PHACTR1: variants seen among roughly 807,000 people sequenced by gnomAD.
PHACTR1 encodes RPEL repeat containing 1.
Under a neutral mutation model 69.2 loss-of-function variants are expected in PHACTR1, and 16 were observed. The ratio of observed to expected loss-of-function variants is 0.23; its 90% CI spans 0.16 to 0.35. PHACTR1 has a LOEUF of 0.35. Among genes scored for constraint, PHACTR1 ranks in the 10% least tolerant of loss-of-function variants. The pLI is 1.00. For synonymous variants in PHACTR1, 312 were observed against 284.5 expected (o/e 1.10, Z -0.97); for missense variants, 510 against 734.7 (o/e 0.69, Z 3.54).
intron 4 of PHACTR1, among the ~76,000 whole-genome samples, chr6:12,910,371 G>C (rs111431739): frequency 4.1e-4 from 62 of 152,278 alleles, no homozygotes; most frequent in African/African-American, 1.4e-3. Context: ...AGGTGTCCAA[G>C]CATAATCGTA....
chr6:12,928,309 G>T (rs1283260402), intron 4 of PHACTR1, among the ~76,000 whole-genome samples: 1 of 152,154 alleles, frequency 6.6e-6, no homozygotes, highest in African/African-American at 2.4e-5. Context: ...AGCCACGGTT[G>T]GTCCTTATGG....
intron 5 of PHACTR1, among the ~76,000 whole-genome samples, chr6:13,106,134 A>C (rs958837183): frequency 6.6e-6 from 1 of 152,214 alleles, no homozygotes. Flanking sequence ...TATGGGCCTG[A>C]TAATTTAAAA....
At chr6:12,797,008 A>AGTGTGTGTGTGT (rs10577949) in intron 4 of PHACTR1, among the ~76,000 whole-genome samples, 8 of 138,256 alleles carry the variant, frequency 5.8e-5, no homozygotes, top group Non-Finnish European at 1.2e-4. Context: ...GAAGCCTAGG[A>AGTGTGTGTGTGT]GTGTGTGTGT....
chr6:13,099,108 T>A (rs892934045), intron 5 of PHACTR1, among the ~76,000 whole-genome samples: 1 of 152,246 alleles, frequency 6.6e-6, no homozygotes, highest in Non-Finnish European at 1.5e-5. Flanking sequence ...CTCTGTGGCC[T>A]CTGCATGTGA....
chr6:12,921,036 C>T (rs1787594772), intron 4 of PHACTR1, among the ~76,000 whole-genome samples: 1 of 152,198 alleles, frequency 6.6e-6, no homozygotes, highest in Non-Finnish European at 1.5e-5. Context: ...GTCCCCAGTT[C>T]AGAGCTAGGA....
At chr6:13,138,544 A>G (rs1821911033) in intron 5 of PHACTR1, among the ~76,000 whole-genome samples, 1 of 152,216 alleles carries the variant, frequency 6.6e-6, no homozygotes, top group African/African-American at 2.4e-5. Flanking sequence ...TGTTTGTTCA[A>G]GTCCCTTAGT....
chr6:12,753,951 TATATA>T (rs1766933925), intron 4 of PHACTR1, among the ~76,000 whole-genome samples: 1 of 99,796 alleles, frequency 1.0e-5, no homozygotes, highest in Admixed American at 1.1e-4. Context: ...TAAATATATA[TATATA>T]TATATATATA....
chr6:13,213,580 A>G (rs1408510961), intron 8 of PHACTR1, among the ~76,000 whole-genome samples: 1 of 152,168 alleles, frequency 6.6e-6, no homozygotes, highest in Non-Finnish European at 1.5e-5. Flanking sequence ...CAGGAGTTGA[A>G]ACTTAATGGC....
intron 10 of PHACTR1, among the ~76,000 whole-genome samples, chr6:13,234,242 G>T (rs532085764): frequency 6.6e-6 from 1 of 152,342 alleles, no homozygotes; most frequent in East Asian, 1.9e-4. Flanking sequence ...TTCTGGCTCT[G>T]ATTCTTTCAT....
At chr6:12,925,213 A>G (rs1039997623) in intron 4 of PHACTR1, among the ~76,000 whole-genome samples, 1 of 152,118 alleles carries the variant, frequency 6.6e-6, no homozygotes, top group Non-Finnish European at 1.5e-5. Context: ...CAACTTTATC[A>G]CCTTTCTGTT....
intron 4 of PHACTR1, among the ~76,000 whole-genome samples, chr6:12,812,223 G>C (rs909941132): frequency 6.6e-6 from 1 of 152,098 alleles, no homozygotes; most frequent in African/African-American, 2.4e-5. Flanking sequence ...ACTTATTCTG[G>C]ACATTTTATA....
At chr6:12,884,471 G>A (rs1247315778) in intron 4 of PHACTR1, among the ~76,000 whole-genome samples, 2 of 151,704 alleles carry the variant, frequency 1.3e-5, no homozygotes, top group Non-Finnish European at 2.9e-5. Flanking sequence ...TGCAATCTCG[G>A]CTCACTGCAA....
chr6:12,981,929 G>A (rs987181628), intron 4 of PHACTR1, among the ~76,000 whole-genome samples: 2 of 152,062 alleles, frequency 1.3e-5, no homozygotes, highest in Admixed American at 6.6e-5. Flanking sequence ...TGTATCTCCC[G>A]AATCCACCTG....
At chr6:12,953,759 G>A (rs1000058855) in intron 4 of PHACTR1, among the ~76,000 whole-genome samples, 1 of 152,188 alleles carries the variant, frequency 6.6e-6, no homozygotes, top group African/African-American at 2.4e-5. Flanking sequence ...GTGTAATGAC[G>A]AGAATGATGA....
Position 13,287,100 on chromosome 6 carries a change from C to A in PHACTR1, c.*22C>A. 6.3e-7 allele frequency: 1 copy of A among 1,594,644 alleles called. No individual in the cohort carries two copies. The highest frequency in any genetic ancestry group is 8.6e-7 in the Non-Finnish European group (1 of 1,167,716). On this transcript the variant is annotated 3_prime_UTR_variant, in exon 15 of 15. Transcript: ENST00000332995. Reference sequence around the variant, plus strand: ...TTAACAGTCGAATTCCTCTTGAGTGCTATGCTGTCTTCAAAACATAAATTT... The same window carrying A: ...TTAACAGTCGAATTCCTCTTGAGTGATATGCTGTCTTCAAAACATAAATTT...
intron 10 of PHACTR1, among the ~76,000 whole-genome samples, chr6:13,256,001 G>A (rs1775142257): frequency 1.3e-5 from 2 of 152,248 alleles, no homozygotes; most frequent in South Asian, 4.1e-4. Flanking sequence ...TGCCTTAGCA[G>A]AGGTTCTCCA....
chr6:12,921,034 T>G (rs1412460224), intron 4 of PHACTR1, among the ~76,000 whole-genome samples: 3 of 152,234 alleles, frequency 2.0e-5, no homozygotes, highest in Non-Finnish European at 4.4e-5. Flanking sequence ...TTGTCCCCAG[T>G]TCAGAGCTAG....
At chr6:13,040,008 T>C (rs1373826199) in intron 4 of PHACTR1, among the ~76,000 whole-genome samples, 1 of 152,218 alleles carries the variant, frequency 6.6e-6, no homozygotes, top group African/African-American at 2.4e-5. Context: ...ATATACATGC[T>C]TTATATGTTA....
chr6:12,855,183 C>A (rs755359769), intron 4 of PHACTR1, among the ~76,000 whole-genome samples: 1 of 152,188 alleles, frequency 6.6e-6, no homozygotes, highest in African/African-American at 2.4e-5. Flanking sequence ...GGTATACATA[C>A]ACCATGAAAT....
Sources: gnomAD v4.1 joint callset for allele counts (sites outside exome capture counted in the v4.1 genomes callset) on GRCh38, gnomAD v4.1.1 for gene constraint, MANE v1.5 for transcripts, NCBI Gene and HGNC (gene_info 2026-07-23, HGNC 2026-07-21) for gene names.